Variants in NIT2 observed in about 807,000 individuals in gnomAD.
The protein encoded by NIT2 is omega-amidase NIT2.
A neutral mutation model predicts 42.7 loss-of-function variants in NIT2; 46 were observed. The ratio of observed to expected loss-of-function variants is 1.08; its 90% confidence interval spans 0.85 to 1.38. NIT2 has a LOEUF of 1.38. Among genes scored for constraint, NIT2 ranks in the 40% most tolerant of loss-of-function variants. NIT2 has a pLI of 0.00. For missense variants in NIT2, 309 were observed against 342.5 expected (o/e 0.90, Z 0.77); for synonymous variants, 123 against 121.9 (o/e 1.01, Z -0.06).
intron 7 of NIT2, 82 bp from the exon 8 acceptor site, chr3:100,352,322 A>C (rs1706282798): frequency 9.5e-7 from 1 of 1,054,816 alleles, no homozygotes; most frequent in Non-Finnish European, 1.4e-6. Context: ...CTATTTTTTA[A>C]AAGAAGGATC....
At chr3:100,346,538 G>T (rs975727457) in intron 6 of NIT2, among the ~76,000 whole-genome samples, 1 of 152,158 alleles carries the variant, frequency 6.6e-6, no homozygotes, top group African/African-American at 2.4e-5. Context: ...GTCACTTGAA[G>T]CCCAGTAGAA....
Position 100,356,566 on chromosome 3 carries a change from A to G in NIT2, c.*1298A>G, listed in dbSNP as rs1018839428. On this transcript the variant is annotated 3_prime_UTR_variant, in exon 10 of 10. Coordinates refer to ENST00000394140, the MANE Select transcript of NIT2 (RefSeq NM_020202.5). The stretch of plus-strand genomic sequence containing the variant: ...CACGGTGTCCAAATGACACGGTGTC[A>G]TTTAACTTCTGGAAAACAACACTGT... The G allele has an allele frequency of 6.6e-6, 1 of 152,240 alleles. No individual in the cohort carries two copies. The highest frequency in any genetic ancestry group is 6.5e-5 in the Admixed American group (1 of 15,286). The allele number at this position is 152,240 out of a possible 1,614,324, so 9.4% of individuals were successfully genotyped here. A position where few individuals can be genotyped will look rare whatever the true frequency, so the allele number is the denominator to read the frequency against.
chr3:100,349,605 T>C (rs1272762803), intron 7 of NIT2: 1 of 152,314 alleles, frequency 6.6e-6, no homozygotes, highest in Non-Finnish European at 1.5e-5. Context: ...TAGCTTGACC[T>C]AGGGAGAGAT....
chr3:100,349,053 C>T (rs533610979), intron 7 of NIT2, 172 bp downstream of exon 7: 21 of 531,042 alleles, frequency 4.0e-5, no homozygotes, highest in African/African-American at 2.5e-4. Flanking sequence ...TTCTACTGCA[C>T]GTCACTTTCT....
intron 7 of NIT2, among the ~76,000 whole-genome samples, chr3:100,350,472 C>A (rs1706262135): frequency 6.6e-6 from 1 of 152,192 alleles, no homozygotes; most frequent in Non-Finnish European, 1.5e-5. Flanking sequence ...CTCCGGCCAC[C>A]TTGACTTGCT....
intron 7 of NIT2, among the ~76,000 whole-genome samples, chr3:100,350,371 G>A (rs1706261010): frequency 6.6e-6 from 1 of 152,192 alleles, no homozygotes; most frequent in Admixed American, 6.5e-5. Flanking sequence ...TGCAATTTTT[G>A]TTCTATTTGA....
intron 7 of NIT2, among the ~76,000 whole-genome samples, chr3:100,350,681 T>C (rs1026804422): frequency 1.3e-5 from 2 of 152,172 alleles, no homozygotes; most frequent in African/African-American, 4.8e-5. Flanking sequence ...CTCTAGACAT[T>C]GTCAAATTTG....
In NIT2 at chr3:100,352,434, A is replaced by G. The variant is rs142335028; in HGVS notation, c.615A>G (p.Thr205=). The change falls in exon 8 of 10, where the codon ACA becomes ACG. Residue 205 remains threonine (T), a synonymous_variant. Transcript: ENST00000394140. ...TTGATAATCAGGTGTATGTGGCCAC[A>G]GCCTCTCCTGCCCGGGATGACAAAG... ...RAVDNQVYVA[T]ASPARDDKAS... The G allele has an allele frequency of 8.5e-5, 137 of 1,613,296 alleles. No individual in the cohort carries two copies. The highest frequency in any genetic ancestry group is 1.1e-4 in the Non-Finnish European group (133 of 1,179,504).
intron 6 of NIT2, among the ~76,000 whole-genome samples, chr3:100,346,679 C>G (rs1559824572): frequency 6.6e-6 from 1 of 152,180 alleles, no homozygotes; most frequent in Non-Finnish European, 1.5e-5. Context: ...GATGTGGGTT[C>G]TAGTTCCAAC....
rs1007208321 is a variant in NIT2, at chr3:100,356,851, T to C, written c.*1583T>C. The C allele has an allele frequency of 1.3e-5, 2 of 152,248 alleles. No homozygotes were observed. The highest frequency in any genetic ancestry group is 6.5e-5 in the Admixed American group (1 of 15,284). The allele number at this position is 152,248 out of a possible 1,614,324, so 9.4% of individuals were successfully genotyped here. A position where few individuals can be genotyped will look rare whatever the true frequency, so the allele number is the denominator to read the frequency against. On this transcript the variant is annotated 3_prime_UTR_variant, in exon 10 of 10. Coordinates refer to ENST00000394140, the MANE Select transcript of NIT2 (RefSeq NM_020202.5). ...GATTAGCTTGCATTTTCTAAAATTATATAAAAATGAAATCATGCCATTAGT... is the reference window on the plus strand; with the variant it reads ...GATTAGCTTGCATTTTCTAAAATTACATAAAAATGAAATCATGCCATTAGT...
At chr3:100,351,018 C>T (rs1406029215) in intron 7 of NIT2, among the ~76,000 whole-genome samples, 6 of 152,004 alleles carry the variant, frequency 3.9e-5, no homozygotes, top group Non-Finnish European at 7.4e-5. Flanking sequence ...CATCCATGTC[C>T]CTACAAAGGA....
intron 1 of NIT2, among the ~76,000 whole-genome samples, chr3:100,336,168 A>G (rs932251319): frequency 6.6e-6 from 1 of 152,178 alleles, no homozygotes; most frequent in African/African-American, 2.4e-5. Flanking sequence ...CCTGAGCCAA[A>G]CAGGCCTTCA....
intron 6 of NIT2, among the ~76,000 whole-genome samples, chr3:100,347,079 G>GT (rs962624360): frequency 1.9e-4 from 28 of 150,954 alleles, no homozygotes; most frequent in South Asian, 6.3e-4. Context: ...AGATAAATTT[G>GT]TTTTTTTTTG....
intron 9 of NIT2, 128 bp from the exon 10 acceptor site, chr3:100,355,049 C>G: frequency 1.3e-6 from 1 of 742,412 alleles, no homozygotes; most frequent in East Asian, 2.7e-5. Flanking sequence ...CATCTGTGCA[C>G]CTAGATAAGA....
chr3:100,339,772 T>A lies in NIT2; in HGVS notation c.127-43T>A, dbSNP rs78040125. 1,539 of 1,578,152 alleles carry A rather than the reference T, an allele frequency of 9.8e-4. 7 individuals are homozygous for A. The highest frequency in any genetic ancestry group is 9.6e-3 in the African/African-American group (706 of 73,410). ...TCTTACAGCAGAACTTTAAAATGGGTGGGTGTTTTGATCTTTTTTTTTCTC... is the reference window on the plus strand; with the variant it reads ...TCTTACAGCAGAACTTTAAAATGGGAGGGTGTTTTGATCTTTTTTTTTCTC... On this transcript the variant is annotated intron_variant, in intron 2 of 9. Transcript: ENST00000394140.
At chr3:100,355,071 A>C in intron 9 of NIT2, 106 bp from the exon 10 acceptor site, 2 of 839,978 alleles carry the variant, frequency 2.4e-6, no homozygotes, top group Non-Finnish European at 3.9e-6. Context: ...CTATGTTACT[A>C]AGTTACTTAC....
chr3:100,346,408 G>T, intron 6 of NIT2, 153 bp downstream of exon 6: 1 of 640,782 alleles, frequency 1.6e-6, no homozygotes, highest in South Asian at 1.9e-5. Flanking sequence ...CCAGACTTTT[G>T]CTGTGTATGG....
rs563501562 is a variant in NIT2, at chr3:100,338,759, C to G, written c.8-328C>G. Among the ~76,000 whole-genome samples, 6 of 152,322 alleles carry G rather than the reference C, an allele frequency of 3.9e-5. No individual in the cohort carries two copies. The East Asian group carries it at 1.2e-3, about 29-fold the overall frequency. On this transcript the variant is annotated intron_variant, in intron 1 of 9. Coordinates refer to ENST00000394140, the MANE Select transcript of NIT2 (RefSeq NM_020202.5). ...CTGCGTAGTAAGAAGCTGGTTCACT[C>G]TAGATTCTTGTGCCTGGCATGGGAC...
intron 3 of NIT2, 62 bp from the exon 4 acceptor site, chr3:100,341,011 C>T (rs75641639): frequency 8.8e-7 from 1 of 1,138,302 alleles, no homozygotes; most frequent in Non-Finnish European, 1.3e-6. Context: ...GCTTTTATCC[C>T]TTTCTCACAA....
Sources: gnomAD v4.1 joint callset for allele counts (sites outside exome capture counted in the v4.1 genomes callset) on GRCh38, gnomAD v4.1.1 for gene constraint, MANE v1.5 for transcripts, NCBI Gene and HGNC (gene_info 2026-07-23, HGNC 2026-07-21) for gene names.